The following PTPN7 variants were observed in gnomAD, a reference collection of about 807,000 sequenced individuals.
PTPN7 encodes protein tyrosine phosphatase non-receptor type 7, also known as tyrosine-protein phosphatase non-receptor type 7.
PTPN7 carries 33 observed loss-of-function variants against 50.3 expected under a neutral mutation model. That is an observed-to-expected ratio of 0.66 (90% CI 0.50 to 0.88). PTPN7 has a LOEUF of 0.88. Among genes scored for constraint, PTPN7 ranks in the 40% least tolerant of loss-of-function variants. The probability of loss-of-function intolerance (pLI) is 0.00; values close to 1 mark genes in which losing one functional copy is unlikely to be tolerated. For missense variants in PTPN7, 412 were observed against 475.4 expected (o/e 0.87, Z 1.24); for synonymous variants, 185 against 186.6 (o/e 0.99, Z 0.07).
intron 4 of PTPN7, 90 bp from the exon 5 acceptor site, chr1:202,155,699 G>A: frequency 8.9e-7 from 1 of 1,119,748 alleles, no homozygotes; most frequent in Non-Finnish European, 1.3e-6. Context: ...GAGTTCCTGT[G>A]CTCATCACAG....
chr1:202,153,732 G>C lies in PTPN7; in HGVS notation c.710C>G (p.Thr237Ser). The change falls in exon 7 of 10, where the codon ACC becomes AGC. Residue 237 changes from threonine (T) to serine (S), a missense_variant. Coordinates refer to ENST00000691036, the MANE Select transcript of PTPN7 (RefSeq NM_002832.4). The part of the protein sequence containing the change: ...ECPEYTVRQL[T>S]IQYQEERRSV... The stretch of plus-strand genomic sequence containing the variant: ...GCTCCGGGGGGGTGGTACCTGGATG[G>C]TGAGCTGCCGCACAGTGTATTCTGG... 6.2e-7 allele frequency: 1 copy of C among 1,613,638 alleles called. No individual in the cohort carries two copies. Among genetic ancestry groups the C allele is most frequent in the Non-Finnish European group, 8.5e-7 (1 of 1,179,578 alleles).
At chr1:202,158,621 C>G (rs951215873) in intron 2 of PTPN7, 2 of 268,776 alleles carry the variant, frequency 7.4e-6, no homozygotes, top group African/African-American at 4.5e-5. Flanking sequence ...TCTGCCTTGG[C>G]TTCCCAAAGT....
chr1:202,152,177 C>T lies in PTPN7; in HGVS notation c.875+365G>A, dbSNP rs186009386. Among the ~76,000 whole-genome samples the T allele has an allele frequency of 2.4e-3, 362 of 152,334 alleles. 1 individual carries two copies. The highest frequency in any genetic ancestry group is 2.7e-3 in the Non-Finnish European group (182 of 68,030). On this transcript the variant is annotated intron_variant, in intron 8 of 9. Coordinates refer to ENST00000691036, the MANE Select transcript of PTPN7 (RefSeq NM_002832.4). ...CTGCCAGCCCTGGCGTCCCAAAGTGCTGGGATTATAGGTGTGAACCACCGT... is the reference window on the plus strand; with the variant it reads ...CTGCCAGCCCTGGCGTCCCAAAGTGTTGGGATTATAGGTGTGAACCACCGT...
chr1:202,161,022 A>G, upstream of PTPN7: 1 of 1,027,776 alleles, frequency 9.7e-7, no homozygotes, highest in Non-Finnish European at 1.3e-6. Context: ...CTCTCCCTCA[A>G]GGCCCTCTCC....
rs1657223135 is a variant in PTPN7, at chr1:202,160,275, G to A, written c.-53+270C>T. 6.6e-6 allele frequency among the ~76,000 whole-genome samples: 1 copy of A among 152,138 alleles called. No homozygotes were observed. The highest frequency in any genetic ancestry group is 2.4e-5 in the African/African-American group (1 of 41,418). On this transcript the variant is annotated intron_variant, in intron 1 of 9. Transcript: ENST00000691036. This position sits in a 1 kb window ranked among gnomAD's most constrained non-coding sequence, Gnocchi z 4.8. Reference sequence around the variant, plus strand: ...CAGCAGGGACGGAGGTGAGGGGACAGAATGGGCCTGGCACAGGTGTGAGTG... The same window carrying A: ...CAGCAGGGACGGAGGTGAGGGGACAAAATGGGCCTGGCACAGGTGTGAGTG...
intron 4 of PTPN7, among the ~76,000 whole-genome samples, chr1:202,157,477 C>G (rs914164660): frequency 9.9e-5 from 15 of 151,798 alleles, no homozygotes; most frequent in African/African-American, 3.4e-4. Flanking sequence ...CCATTGCACT[C>G]CAGCCTGGGT....
intron 9 of PTPN7, among the ~76,000 whole-genome samples, chr1:202,149,054 C>T (rs1655645178): frequency 6.6e-6 from 1 of 151,974 alleles, no homozygotes; most frequent in Non-Finnish European, 1.5e-5. Context: ...CAGGGTTTCA[C>T]CATGTTGCCA....
rs1487678392 is a variant in PTPN7, at chr1:202,159,967, G to A, written c.-52-513C>T. On this transcript the variant is annotated intron_variant, in intron 1 of 9. Coordinates refer to ENST00000691036, the MANE Select transcript of PTPN7 (RefSeq NM_002832.4). The surrounding 1 kb of genome is among the most constrained non-coding windows in gnomAD (Gnocchi z 4.6). ...GCAGGGTCCTCTCCTAACTGCTGCT[G>A]TTCCACTCCCAGGTCTGTTTCTGGC... The A allele has an allele frequency of 1.0e-6, 1 of 1,001,410 alleles. No individual in the cohort carries two copies. The highest frequency in any genetic ancestry group is 1.2e-6 in the Non-Finnish European group (1 of 840,222). 62.0% of individuals were successfully genotyped at this position (1,001,410 alleles called of 1,614,324 possible).
rs546999860 is a variant in PTPN7, at chr1:202,152,534, C to T, written c.875+8G>A. On this transcript the variant is annotated splice_region_variant and intron_variant, in intron 8 of 9. Coordinates refer to ENST00000691036, the MANE Select transcript of PTPN7 (RefSeq NM_002832.4). ...TCCACAGGCTGCAGTGAAGGGAGGG[C>T]CACGCACCTGCAGTGGACTACGATA... 24 of 1,610,656 alleles carry T rather than the reference C, an allele frequency of 1.5e-5. No homozygotes were observed. Among genetic ancestry groups the T allele is most frequent in the African/African-American group, 6.7e-5 (5 of 75,030 alleles).
Position 202,157,608 on chromosome 1 carries a change from C to G in PTPN7, c.391+131G>C. On this transcript the variant is annotated intron_variant, in intron 4 of 9. Transcript: ENST00000691036. ...TTGTGATTCTTGCTCCTTCTTCCCC[C>G]TTTCTCTGCTGAGAGAAGATGTGCC... 4 of 784,064 alleles carry G rather than the reference C, an allele frequency of 5.1e-6. No individual in the cohort carries two copies. The South Asian group carries it at 5.2e-5, about 10-fold the overall frequency. The allele number at this position is 784,064 out of a possible 1,614,324, so 48.6% of individuals were successfully genotyped here.
At chr1:202,148,810 G>T (rs1321696922) in intron 9 of PTPN7, 111 bp from the exon 10 acceptor site, 54 of 513,080 alleles carry the variant, frequency 1.1e-4, no homozygotes, top group East Asian at 2.0e-4. Flanking sequence ...CTTTCTCAAA[G>T]AACATGCCAA....
intron 4 of PTPN7, among the ~76,000 whole-genome samples, chr1:202,157,092 G>C (rs1049413838): frequency 6.6e-6 from 1 of 152,214 alleles, no homozygotes; most frequent in Non-Finnish European, 1.5e-5. Context: ...AAGGGGCTTG[G>C]TGCAAGTAGC....
At chr1:202,153,138 C>T (rs192467245) in intron 7 of PTPN7, among the ~76,000 whole-genome samples, 118 of 152,246 alleles carry the variant, frequency 7.8e-4, no homozygotes, top group African/African-American at 2.7e-3. Context: ...TATTCCACAT[C>T]TCTTTCTCTT....
chr1:202,148,757 G>T, intron 9 of PTPN7, 58 bp from the exon 10 acceptor site: 1 of 1,467,386 alleles, frequency 6.8e-7, no homozygotes, highest in Non-Finnish European at 9.4e-7. Context: ...TGGCTGAATG[G>T]CTCCAGTCAA....
chr1:202,149,617 A>AC (rs1246399130), intron 9 of PTPN7, among the ~76,000 whole-genome samples: 2 of 151,362 alleles, frequency 1.3e-5, no homozygotes, highest in Non-Finnish European at 2.9e-5. Flanking sequence ...ACATAGTGAG[A>AC]CCCCCATCTC....
Position 202,159,481 on chromosome 1 carries a change from T to C in PTPN7, c.-52-27A>G, listed in dbSNP as rs1469053931. Reference sequence around the variant, plus strand: ...TGAAAGACAGGGCCCTCCGCTGCTGTTCTCTGGCCTGCCTGATTGGCCAGA... The same window carrying C: ...TGAAAGACAGGGCCCTCCGCTGCTGCTCTCTGGCCTGCCTGATTGGCCAGA... On this transcript the variant is annotated intron_variant, in intron 1 of 9. Coordinates refer to ENST00000691036, the MANE Select transcript of PTPN7 (RefSeq NM_002832.4). The surrounding 1 kb of genome is among the most constrained non-coding windows in gnomAD (Gnocchi z 4.6). The C allele has an allele frequency of 1.9e-6, 3 of 1,598,848 alleles. No homozygotes were observed. Among genetic ancestry groups the C allele is most frequent in the African/African-American group, 2.7e-5 (2 of 74,572 alleles).
rs142812568 is a variant in PTPN7 at position 202,159,423 on chromosome 1, C to T, written c.-21G>A. 1,594 of 1,613,942 alleles carry T rather than the reference C, an allele frequency of 9.9e-4. 1 individual carries two copies. Among genetic ancestry groups the T allele is most frequent in the Non-Finnish European group, 1.2e-3 (1,446 of 1,179,974 alleles). ...ACCATGCTGAGGTGGGGTGCTGGGCCCAGGGGAGGCTCACTCAGCCATGAG... is the reference window on the plus strand; with the variant it reads ...ACCATGCTGAGGTGGGGTGCTGGGCTCAGGGGAGGCTCACTCAGCCATGAG... On this transcript the variant is annotated 5_prime_UTR_variant, in exon 2 of 10. Coordinates refer to ENST00000691036, the MANE Select transcript of PTPN7 (RefSeq NM_002832.4). The surrounding 1 kb of genome is among the most constrained non-coding windows in gnomAD (Gnocchi z 4.6).
Position 202,160,449 on chromosome 1 carries a change from C to T in PTPN7, c.-53+96G>A. 3 of 1,288,398 alleles carry T rather than the reference C, an allele frequency of 2.3e-6. No homozygotes were observed. Among genetic ancestry groups the T allele is most frequent in the African/African-American group, 1.5e-5 (1 of 67,488 alleles). The allele number at this position is 1,288,398 out of a possible 1,614,324, so 79.8% of individuals were successfully genotyped here. ...GCCAGGCACTGTGGCGCCCCACTCG[C>T]CCTCCCGCACTCCCTCCTAGAGATG... On this transcript the variant is annotated intron_variant, in intron 1 of 9. Transcript: ENST00000691036. The surrounding 1 kb of genome is among the most constrained non-coding windows in gnomAD (Gnocchi z 4.8).
chr1:202,155,824 A>T (rs561264145), intron 4 of PTPN7, among the ~76,000 whole-genome samples: 1 of 152,322 alleles, frequency 6.6e-6, no homozygotes, highest in East Asian at 1.9e-4. Context: ...CAGTGGTGCG[A>T]TCATAGCTCA....
Sources: allele counts gnomAD v4.1 joint callset (sites outside exome capture counted in the v4.1 genomes callset), GRCh38; gene constraint gnomAD v4.1.1; non-coding constraint Gnocchi (gnomAD v3.1); transcripts MANE v1.5; gene names NCBI Gene and HGNC (gene_info 2026-07-23, HGNC 2026-07-21).